TBC1D4: variants seen among roughly 807,000 people sequenced by gnomAD.
The protein encoded by TBC1D4 is TBC1 domain family member 4.
Under a neutral mutation model 142.5 loss-of-function variants are expected in TBC1D4, and 121 were observed. The observed-to-expected ratio is 0.85, with a 90% confidence interval of 0.73 to 0.99. The LOEUF (loss-of-function observed/expected upper bound fraction) is 0.99. TBC1D4 is among the 50% of genes least tolerant of loss of function. The probability of loss-of-function intolerance (pLI) is 0.00; values close to 1 mark genes in which losing one functional copy is unlikely to be tolerated. For synonymous variants in TBC1D4, 630 were observed against 628.2 expected, an observed-to-expected ratio of 1.00 and a Z score of -0.04; for missense variants, 1,475 against 1,606.6, an observed-to-expected ratio of 0.92 and a Z score of 1.40.
intron 8 of TBC1D4, 117 bp downstream of exon 8, chr13:75,336,804 A>T: frequency 8.0e-7 from 1 of 1,254,258 alleles, no homozygotes; most frequent in Non-Finnish European, 1.1e-6. Context: ...AAGTTATCTT[A>T]GGTTTTTTTT....
intron 5 of TBC1D4, among the ~76,000 whole-genome samples, chr13:75,345,215 G>A (rs141046666): frequency 8.2e-4 from 125 of 152,320 alleles, no homozygotes; most frequent in African/African-American, 2.8e-3. Flanking sequence ...ATGTGTAAAA[G>A]AGATTCAGTT....
intron 1 of TBC1D4, among the ~76,000 whole-genome samples, chr13:75,427,206 G>C (rs1886410907): frequency 6.6e-6 from 1 of 151,908 alleles, no homozygotes. Flanking sequence ...TCCTGCCTCA[G>C]CCTCCCGAGT....
At chr13:75,338,269 C>G (rs1319368370) in intron 7 of TBC1D4, among the ~76,000 whole-genome samples, 2 of 150,980 alleles carry the variant, frequency 1.3e-5, no homozygotes, top group African/African-American at 4.9e-5. Flanking sequence ...AAGGCCCCAC[C>G]AAGAAAGGAA....
chr13:75,460,129 C>T (rs768798005), intron 1 of TBC1D4, among the ~76,000 whole-genome samples: 11 of 151,596 alleles, frequency 7.3e-5, no homozygotes, highest in South Asian at 4.2e-4. Context: ...GGCGACAGAG[C>T]GAGACTCCGT....
chr13:75,417,049 C>A (rs962495034), intron 1 of TBC1D4, among the ~76,000 whole-genome samples: 1 of 152,174 alleles, frequency 6.6e-6, no homozygotes, highest in African/African-American at 2.4e-5. Flanking sequence ...TCCGGATGGT[C>A]ACTCACAATT....
At chr13:75,410,469 A>C (rs1885592257) in intron 1 of TBC1D4, among the ~76,000 whole-genome samples, 2 of 152,338 alleles carry the variant, frequency 1.3e-5, no homozygotes, top group East Asian at 1.9e-4. Context: ...TGAAGACTAG[A>C]GGTCAAACTA....
chr13:75,312,744 GT>G lies in TBC1D4; in HGVS notation c.2376del (p.Gln792HisfsTer48). On this transcript the variant is annotated frameshift_variant, in exon 13 of 21. Transcript: ENST00000377636. LOFTEE classifies it high-confidence loss of function. ...SPMNKSPSAM[Q>X]QQDGLDRNEL... Reference sequence around the variant, plus strand: ...TAGGGAGTGCAACACAGACCTTGCTGTTGCATTGCTGAGGGAGATTTGTTCA... The same window carrying G: ...TAGGGAGTGCAACACAGACCTTGCTGTGCATTGCTGAGGGAGATTTGTTCA... 6.2e-7 allele frequency: 1 copy of G among 1,614,164 alleles called. No homozygotes were observed. Among genetic ancestry groups the G allele is most frequent in the Non-Finnish European group, 8.5e-7 (1 of 1,180,018 alleles).
At chr13:75,302,457 A>T in intron 15 of TBC1D4, 56 bp from the exon 16 acceptor site, 3 of 1,602,678 alleles carry the variant, frequency 1.9e-6, no homozygotes, top group Non-Finnish European at 2.6e-6. Context: ...AAGTTGATAG[A>T]TCCCAGCTGA....
Position 75,288,915 on chromosome 13 carries a change from CA to C in TBC1D4, c.3663+18del. 6.2e-7 allele frequency: 1 copy of C among 1,613,082 alleles called. No individual in the cohort carries two copies. Among genetic ancestry groups the C allele is most frequent in the Non-Finnish European group, 8.5e-7 (1 of 1,179,436 alleles). On this transcript the variant is annotated intron_variant, in intron 20 of 20. Transcript: ENST00000377636. Reference sequence around the variant, plus strand: ...GGAGGCATTGAAGTACTTATTTGCTCAAATCTTTATTTCTTTACCTGTAATT... The same window carrying C: ...GGAGGCATTGAAGTACTTATTTGCTCAATCTTTATTTCTTTACCTGTAATT...
At chr13:75,409,998 A>T (rs1885548546) in intron 1 of TBC1D4, among the ~76,000 whole-genome samples, 2 of 152,314 alleles carry the variant, frequency 1.3e-5, no homozygotes, top group South Asian at 2.1e-4. Flanking sequence ...AAATTTGTTC[A>T]CCAAATTTGT....
intron 1 of TBC1D4, among the ~76,000 whole-genome samples, chr13:75,428,663 T>C (rs1328735412): frequency 1.3e-5 from 2 of 152,246 alleles, no homozygotes; most frequent in East Asian, 3.8e-4. Context: ...AAAATGGTTT[T>C]TGGCAACCCA....
At chr13:75,473,839 C>A (rs1888517406) in intron 1 of TBC1D4, among the ~76,000 whole-genome samples, 1 of 152,146 alleles carries the variant, frequency 6.6e-6, no homozygotes, top group African/African-American at 2.4e-5. Context: ...ATATCAAAGA[C>A]ATATTAAAAG....
rs149495247 is a variant in TBC1D4 at position 75,359,514 on chromosome 13, G to A, written c.1170+255C>T. 5.9e-4 allele frequency among the ~76,000 whole-genome samples: 90 copies of A among 152,260 alleles called. 2 individuals carry two copies. The East Asian group carries it at 0.017, about 29-fold the overall frequency. On this transcript the variant is annotated intron_variant, in intron 3 of 20. Transcript: ENST00000377636. ...ATTCCATCACTGGAAGGGATTTGAT[G>A]GTATTACAATGAGAAAGAGTTGGCT...
chr13:75,475,812 G>A (rs1200924242), intron 1 of TBC1D4, among the ~76,000 whole-genome samples: 2 of 152,170 alleles, frequency 1.3e-5, no homozygotes, highest in Admixed American at 1.3e-4. Context: ...TAGGATATAT[G>A]GGTTGCGTAT....
chr13:75,329,855 G>A (rs1469159779), intron 8 of TBC1D4, among the ~76,000 whole-genome samples: 1 of 152,172 alleles, frequency 6.6e-6, no homozygotes, highest in African/African-American at 2.4e-5. Context: ...TGTTTCAGAA[G>A]TCTAAAGCCA....
intron 5 of TBC1D4, among the ~76,000 whole-genome samples, chr13:75,347,731 C>T (rs1368538029): frequency 6.6e-6 from 1 of 152,162 alleles, no homozygotes; most frequent in Non-Finnish European, 1.5e-5. Flanking sequence ...GATTTACATG[C>T]TTCCTTTATC....
At chr13:75,418,042 GTTATTATTTTA>G (rs377276315) in intron 1 of TBC1D4, among the ~76,000 whole-genome samples, 2 of 152,160 alleles carry the variant, frequency 1.3e-5, no homozygotes, top group East Asian at 3.8e-4. Flanking sequence ...AACTATACTT[GTTATTATTTTA>G]TTATTATTTT....
At chr13:75,346,572 A>G (rs1275650772) in intron 5 of TBC1D4, among the ~76,000 whole-genome samples, 1 of 152,216 alleles carries the variant, frequency 6.6e-6, no homozygotes, top group African/African-American at 2.4e-5. Flanking sequence ...GTTGGTTCCA[A>G]GTCTTTGCTA....
chr13:75,292,000 T>C, intron 19 of TBC1D4, 102 bp downstream of exon 19: 5 of 1,001,232 alleles, frequency 5.0e-6, no homozygotes, highest in Non-Finnish European at 7.2e-6. Flanking sequence ...ATGTATCTGA[T>C]GAAAATATCT....
Sources: allele counts gnomAD v4.1 joint callset (sites outside exome capture counted in the v4.1 genomes callset), GRCh38; gene constraint gnomAD v4.1.1; transcripts MANE v1.5; gene names NCBI Gene and HGNC (gene_info 2026-07-23, HGNC 2026-07-21).